CGRRF1: variants seen among roughly 807,000 people sequenced by gnomAD.
The protein encoded by CGRRF1 is cell growth regulator with ring finger domain 1.
Under a neutral mutation model 37.2 loss-of-function variants are expected in CGRRF1, and 32 were observed. The ratio of observed to expected loss-of-function variants is 0.86; its 90% confidence interval spans 0.65 to 1.16. The LOEUF is 1.16. Among genes scored for constraint, CGRRF1 ranks in the 50% most tolerant of loss-of-function variants. The pLI, the probability that CGRRF1 is intolerant of heterozygous loss-of-function variation, is 0.00. For synonymous variants in CGRRF1, 141 were observed against 140.3 expected, an observed-to-expected ratio of 1.00 and a Z score of -0.04; for missense variants, 391 against 382.6, an observed-to-expected ratio of 1.02 and a Z score of -0.18.
intron 1 of CGRRF1, among the ~76,000 whole-genome samples, chr14:54,520,269 T>C (rs989020416): frequency 1.3e-5 from 2 of 151,918 alleles, no homozygotes; most frequent in African/African-American, 2.4e-5. Flanking sequence ...CCACCACGCC[T>C]GGCTAATTTG....
At chr14:54,516,995 A>G (rs890219915) in intron 1 of CGRRF1, among the ~76,000 whole-genome samples, 16 of 152,110 alleles carry the variant, frequency 1.1e-4, no homozygotes, top group African/African-American at 3.9e-4. Context: ...ATCTCTAAAT[A>G]TTGATTTGGG....
intron 1 of CGRRF1, among the ~76,000 whole-genome samples, chr14:54,519,523 T>A (rs1414824050): frequency 6.6e-6 from 1 of 151,726 alleles, no homozygotes; most frequent in Admixed American, 6.6e-5. Flanking sequence ...AGTTCTGGGA[T>A]TATGGGCAGG....
chr14:54,517,746 C>T (rs1330126625), intron 1 of CGRRF1, among the ~76,000 whole-genome samples: 3 of 152,162 alleles, frequency 2.0e-5, no homozygotes, highest in South Asian at 4.1e-4. Flanking sequence ...GCCCAGCATC[C>T]ATTAGCTATT....
At chr14:54,537,157 T>C (rs2140068582) in intron 4 of CGRRF1, 2 of 152,352 alleles carry the variant, frequency 1.3e-5, no homozygotes, top group South Asian at 4.1e-4. Flanking sequence ...GTTTATCCTG[T>C]TTCATCCATC....
rs762615731 is a variant in CGRRF1 at position 54,538,240 on chromosome 14, C to T, written c.856C>T (p.Leu286Phe). ...CCAGAATGGGACTGTGAACTGGGTA[C>T]TCTTACCATGCAGACACACATGCCT... is the stretch of plus-strand genomic sequence containing the variant. ...VCQNGTVNWV[L>F]LPCRHTCLCD... Residue 286 changes from leucine (L) to phenylalanine (F), a missense_variant, in exon 6 of 6, where the codon CTC becomes TTC. By Grantham distance (22) the Leu-to-Phe change is conservative. Coordinates refer to ENST00000216420, the MANE Select transcript of CGRRF1 (RefSeq NM_006568.3). 2.5e-6 allele frequency: 4 copies of T among 1,614,176 alleles called. No individual in the cohort carries two copies. The Admixed American group carries it at 5.0e-5, about 20-fold the overall frequency.
At chr14:54,529,984 C>G in intron 2 of CGRRF1, 65 bp from the exon 3 acceptor site, 1 of 1,347,908 alleles carries the variant, frequency 7.4e-7, no homozygotes. Context: ...TTGTTACTCA[C>G]CCTGTATGAT....
intron 2 of CGRRF1, among the ~76,000 whole-genome samples, chr14:54,525,473 G>T (rs547507109): frequency 1.8e-3 from 277 of 152,258 alleles, no homozygotes; most frequent in African/African-American, 6.3e-3. Flanking sequence ...TAAATGTGTG[G>T]ATGTACAGCA....
intron 1 of CGRRF1, among the ~76,000 whole-genome samples, chr14:54,514,229 A>G (rs1201098400): frequency 6.6e-6 from 1 of 152,148 alleles, no homozygotes; most frequent in Admixed American, 6.5e-5. Context: ...GAATTGCAAA[A>G]TTTTGCTAAT....
At position 54,519,509 on chromosome 14, in the gene CGRRF1, C is replaced by T. The variant is rs941440304; in HGVS notation, c.105-2945C>T. 9.9e-5 allele frequency among the ~76,000 whole-genome samples: 15 copies of T among 151,936 alleles called. 1 individual carries two copies. The highest frequency in any genetic ancestry group is 7.9e-4 in the Admixed American group (12 of 15,266). On this transcript the variant is annotated intron_variant, in intron 1 of 5. Transcript: ENST00000216420. ...CAAGCATTCCTCCCTCCTCAGCCTC[C>T]CAAAGTTCTGGGATTATGGGCAGGA...
chr14:54,525,291 A>C (rs1245478874), intron 2 of CGRRF1, among the ~76,000 whole-genome samples: 1 of 152,236 alleles, frequency 6.6e-6, no homozygotes, highest in Non-Finnish European at 1.5e-5. Context: ...GTGAGGCAGA[A>C]AGTGTGAGGA....
At chr14:54,511,009 A>G (rs1416566799) in intron 1 of CGRRF1, among the ~76,000 whole-genome samples, 1 of 152,242 alleles carries the variant, frequency 6.6e-6, no homozygotes, top group African/African-American at 2.4e-5. Context: ...AGCATTTTGA[A>G]AAATAAATGG....
chr14:54,520,662 A>ATTC lies in CGRRF1; in HGVS notation c.105-1789_105-1787dup, dbSNP rs368637140. On this transcript the variant is annotated intron_variant, in intron 1 of 5. Transcript: ENST00000216420. ...TATATTAGAGAAGGATACAGCATTT[A>ATTC]TTCTTTTGTGTAAGGCTTCTTTTGC... Among the ~76,000 whole-genome samples the ATTC allele has an allele frequency of 3.5e-3, 527 of 152,316 alleles. 1 individual carries two copies. The highest frequency in any genetic ancestry group is 0.012 in the African/African-American group (483 of 41,576).
intron 2 of CGRRF1, among the ~76,000 whole-genome samples, chr14:54,529,431 A>G (rs1329471107): frequency 1.3e-5 from 2 of 152,254 alleles, no homozygotes; most frequent in Non-Finnish European, 2.9e-5. Context: ...GAACAACTGA[A>G]TTAAGATACC....
At chr14:54,515,317 C>T (rs756229477) in intron 1 of CGRRF1, among the ~76,000 whole-genome samples, 5 of 151,700 alleles carry the variant, frequency 3.3e-5, no homozygotes, top group African/African-American at 4.8e-5. Flanking sequence ...TGGTCTCGAT[C>T]GCTTGACCTC....
chr14:54,516,159 T>C (rs2140054978), intron 1 of CGRRF1, among the ~76,000 whole-genome samples: 1 of 152,350 alleles, frequency 6.6e-6, no homozygotes, highest in Admixed American at 6.5e-5. Flanking sequence ...AATGTATCTC[T>C]AACTTATCAC....
rs935498637 is a variant in CGRRF1 at position 54,538,239 on chromosome 14, A to G, written c.855A>G (p.Val285=). The change falls in exon 6 of 6, where the codon GTA becomes GTG. Residue 285 remains valine, a synonymous_variant. Coordinates refer to ENST00000216420, the MANE Select transcript of CGRRF1 (RefSeq NM_006568.3). ...VVCQNGTVNW[V]LLPCRHTCLC... is the part of the protein sequence containing the mutation. Reference sequence around the variant, plus strand: ...GCCAGAATGGGACTGTGAACTGGGTACTCTTACCATGCAGACACACATGCC... The same window carrying G: ...GCCAGAATGGGACTGTGAACTGGGTGCTCTTACCATGCAGACACACATGCC... The G allele has an allele frequency of 8.7e-6, 14 of 1,614,008 alleles. No homozygotes were observed. The highest frequency in any genetic ancestry group is 2.7e-5 in the African/African-American group (2 of 74,894).
At chr14:54,518,550 CAAAAAAAAAAA>C (rs1278275586) in intron 1 of CGRRF1, among the ~76,000 whole-genome samples, 1 of 105,570 alleles carries the variant, frequency 9.5e-6, no homozygotes, top group Non-Finnish European at 2.0e-5. Flanking sequence ...AACTCCATCT[CAAAAAAAAAAA>C]AGAAAAAAAA....
At chr14:54,532,441 G>A (rs2032530856) in intron 4 of CGRRF1, among the ~76,000 whole-genome samples, 1 of 152,090 alleles carries the variant, frequency 6.6e-6, no homozygotes, top group East Asian at 1.9e-4. Flanking sequence ...AAAGACTATA[G>A]TTAATGTGGT....
chr14:54,512,348 T>C (rs925714519), intron 1 of CGRRF1, among the ~76,000 whole-genome samples: 3 of 152,224 alleles, frequency 2.0e-5, no homozygotes, highest in Non-Finnish European at 2.9e-5. Context: ...ACTGGAAATA[T>C]AGTATTTTTC....
Sources: allele counts gnomAD v4.1 joint callset (sites outside exome capture counted in the v4.1 genomes callset), GRCh38; gene constraint gnomAD v4.1.1; transcripts MANE v1.5; gene names NCBI Gene and HGNC (gene_info 2026-07-23, HGNC 2026-07-21).